Variants in ADGRA2 observed in about 807,000 individuals in gnomAD.
The protein encoded by ADGRA2 is G-protein coupled receptor 124.
Under a neutral mutation model 98.7 loss-of-function variants are expected in ADGRA2, and 61 were observed. The ratio of observed to expected loss-of-function variants is 0.62; its 90% CI spans 0.50 to 0.76. The LOEUF is 0.76. ADGRA2 is among the 30% of genes least tolerant of loss of function. The probability of loss-of-function intolerance (pLI) is 0.00; values close to 1 mark genes in which losing one functional copy is unlikely to be tolerated. For missense variants in ADGRA2, 1,712 were observed against 1,860.0 expected (o/e 0.92, Z 1.46); for synonymous variants, 858 against 831.5 (o/e 1.03, Z -0.55).
At chr8:37,809,298 TAAA>T (rs374479525) in intron 1 of ADGRA2, among the ~76,000 whole-genome samples, 2 of 138,006 alleles carry the variant, frequency 1.4e-5, no homozygotes. Flanking sequence ...TTGTCTCTCT[TAAA>T]AAAAAAAAAA....
At position 37,842,469 on chromosome 8, in the gene ADGRA2, T is replaced by C. The variant is rs1805837537; in HGVS notation, c.*114T>C. ...GGTTGGAGGCAGAGGAGCCGATGGCTGGAGGAAGCCCACAGGCGGATGTTC... is the reference window on the plus strand; with the variant it reads ...GGTTGGAGGCAGAGGAGCCGATGGCCGGAGGAAGCCCACAGGCGGATGTTC... On this transcript the variant is annotated 3_prime_UTR_variant, in exon 19 of 19. Coordinates refer to ENST00000412232, the MANE Select transcript of ADGRA2 (RefSeq NM_032777.10). The C allele has an allele frequency of 7.3e-7, 1 of 1,367,278 alleles. No individual in the cohort carries two copies. Among genetic ancestry groups the C allele is most frequent in the African/African-American group, 1.5e-5 (1 of 65,252 alleles). The allele number at this position is 1,367,278 out of a possible 1,614,324, so 84.7% of individuals were successfully genotyped here.
Position 37,814,980 on chromosome 8 carries a change from G to A in ADGRA2, c.338+13G>A. 1 of 1,594,358 alleles carries A rather than the reference G, an allele frequency of 6.3e-7. No individual in the cohort carries two copies. The highest frequency in any genetic ancestry group is 1.7e-4 in the Middle Eastern group (1 of 6,014). ...TGCTGGAGAAGCTGTAAGTGCTGGG[G>A]AAGGTGAGGTGGAGGAGGGGGGTGG... On this transcript the variant is annotated intron_variant, in intron 2 of 18. Coordinates refer to ENST00000412232, the MANE Select transcript of ADGRA2 (RefSeq NM_032777.10). This position sits in a 1 kb window ranked among gnomAD's most constrained non-coding sequence, Gnocchi z 4.3.
intron 2 of ADGRA2, among the ~76,000 whole-genome samples, chr8:37,817,327 G>A (rs983772449): frequency 6.6e-5 from 10 of 152,200 alleles, no homozygotes; most frequent in Admixed American, 3.3e-4. Context: ...ACGCGGCTCC[G>A]TGACTAGGTC....
chr8:37,808,975 C>T (rs932341654), intron 1 of ADGRA2, among the ~76,000 whole-genome samples: 3 of 152,016 alleles, frequency 2.0e-5, no homozygotes, highest in African/African-American at 4.8e-5. Context: ...CAGGTGCGTG[C>T]CACCACACCT....
rs36232957 is a variant in ADGRA2, at chr8:37,812,153, G to GTGTTGT, written c.267-2709_267-2704dup. Among the ~76,000 whole-genome samples the GTGTTGT allele has an allele frequency of 6.8e-3, 972 of 142,218 alleles. 7 individuals carry two copies. Among genetic ancestry groups the GTGTTGT allele is most frequent in the African/African-American group, 0.016 (631 of 39,712 alleles). The allele number at this position is 142,218 out of a possible 152,430, so 93.3% of individuals were successfully genotyped here. On this transcript the variant is annotated intron_variant, in intron 1 of 18. Transcript: ENST00000412232. Reference sequence around the variant, plus strand: ...TTTAAAATGACATGCACTTGCAATGGTGTTGTTGTTGTTGTTGTTGTTGTT... The same window carrying GTGTTGT: ...TTTAAAATGACATGCACTTGCAATGGTGTTGTTGTTGTTGTTGTTGTTGTTGTTGTT...
At position 37,837,799 on chromosome 8, in the gene ADGRA2, G is replaced by A. The variant is rs200831475; in HGVS notation, c.2119G>A (p.Glu707Lys). Residue 707 changes from glutamate (E) to lysine (K), a missense_variant, in exon 14 of 19, where the codon GAA becomes AAA. Transcript: ENST00000412232. Reference protein sequence around the residue: ...VSLRHWAEGAEPVAAWWSQEG... With the variant: ...VSLRHWAEGAKPVAAWWSQEG... ...GCTGCGGCACTGGGCTGAGGGAGCC[G>A]AACCTGTGGCCGCTTGGTGGAGCCA... 1.1e-4 allele frequency: 176 copies of A among 1,547,398 alleles called. No individual in the cohort carries two copies. Among genetic ancestry groups the A allele is most frequent in the East Asian group, 1.5e-4 (6 of 41,036 alleles).
At position 37,797,053 on chromosome 8, in the gene ADGRA2, G is replaced by A. The variant is rs1468210537; in HGVS notation, c.-216G>A. ...AGCTGGGAGCTGCCCGCGCTGCGCT[G>A]ACAGCCGCGCCGACGTCCTCCCCGC... On this transcript the variant is annotated 5_prime_UTR_variant, in exon 1 of 19. The change abolishes the stop of an existing upstream ORF in the 5' untranslated region. Coordinates refer to ENST00000412232, the MANE Select transcript of ADGRA2 (RefSeq NM_032777.10). The surrounding 1 kb of genome is among the most constrained non-coding windows in gnomAD (Gnocchi z 5.3). 1.5e-5 allele frequency: 3 copies of A among 204,672 alleles called. No homozygotes were observed. The highest frequency in any genetic ancestry group is 1.8e-3 in the Middle Eastern group (1 of 560). 12.7% of individuals were successfully genotyped at this position (204,672 alleles called of 1,614,324 possible). A position where few individuals can be genotyped will look rare whatever the true frequency, so the allele number is the denominator to read the frequency against.
chr8:37,833,030 G>T lies in ADGRA2; in HGVS notation c.1118G>T (p.Gly373Val). ...GDFRWPRTLA[G>V]ITAYQSCLQY... ...CCCAGGTGGCCCCGAACTCTGGCTGGCATCACAGCCTACCAGTCCTGCCTG... is the reference window on the plus strand; with the variant it reads ...CCCAGGTGGCCCCGAACTCTGGCTGTCATCACAGCCTACCAGTCCTGCCTG... Residue 373 changes from glycine (G) to valine (V), a missense_variant, in exon 9 of 19, where the codon GGC (glycine) becomes GTC (valine). Gly to Val is a moderately radical substitution (Grantham distance 109, BLOSUM62 -3). Coordinates refer to ENST00000412232, the MANE Select transcript of ADGRA2 (RefSeq NM_032777.10). The T allele has an allele frequency of 6.2e-7, 1 of 1,612,856 alleles. No individual in the cohort carries two copies. Among genetic ancestry groups the T allele is most frequent in the Non-Finnish European group, 8.5e-7 (1 of 1,179,774 alleles).
intron 1 of ADGRA2, among the ~76,000 whole-genome samples, chr8:37,805,570 A>AT (rs1015962359): frequency 6.7e-5 from 10 of 149,100 alleles, no homozygotes; most frequent in African/African-American, 2.2e-4. Flanking sequence ...CCGTGTCTAA[A>AT]TTTTTTTTTT....
chr8:37,805,037 GA>G lies in ADGRA2; in HGVS notation c.266+7506del, dbSNP rs150277361. Among the ~76,000 whole-genome samples, 758 of 152,346 alleles carry G rather than the reference GA, an allele frequency of 5.0e-3. 5 individuals carry two copies. Among genetic ancestry groups the G allele is most frequent in the African/African-American group, 0.014 (594 of 41,578 alleles). On this transcript the variant is annotated intron_variant, in intron 1 of 18. Transcript: ENST00000412232. ...TGACCCCTATGGGTGTGGCATCCCAGAAAGGCTGTACCGTGGAGCCCGGCTC... is the reference window on the plus strand; with the variant it reads ...TGACCCCTATGGGTGTGGCATCCCAGAAGGCTGTACCGTGGAGCCCGGCTC...
chr8:37,829,074 C>G, intron 3 of ADGRA2, 115 bp downstream of exon 3: 1 of 834,096 alleles, frequency 1.2e-6, no homozygotes, highest in East Asian at 2.7e-5. Context: ...CCCTCCTTTC[C>G]GCTTGGGTGC....
intron 2 of ADGRA2, 72 bp downstream of exon 2, chr8:37,815,039 A>T: frequency 9.6e-7 from 1 of 1,042,380 alleles, no homozygotes; most frequent in Non-Finnish European, 1.5e-6. Context: ...GGGGAGGAGG[A>T]GGAACGCTGG....
In ADGRA2 at chr8:37,820,878, G is replaced by A. The variant is rs192699752; in HGVS notation, c.338+5911G>A. On this transcript the variant is annotated intron_variant, in intron 2 of 18. Transcript: ENST00000412232. ...ATGGGCAAGGAAGGGGCCACAGAGC[G>A]GATGCCCAGTGGGAATGTGTCAGAG... is the stretch of plus-strand genomic sequence containing the variant. Among the ~76,000 whole-genome samples, 221 of 152,062 alleles carry A rather than the reference G, an allele frequency of 1.5e-3. 1 individual carries two copies. Among genetic ancestry groups the A allele is most frequent in the Non-Finnish European group, 2.6e-3 (178 of 67,978 alleles).
chr8:37,832,614 T>C (rs72641971), intron 8 of ADGRA2, among the ~76,000 whole-genome samples: 1 of 152,304 alleles, frequency 6.6e-6, no homozygotes, highest in Non-Finnish European at 1.5e-5. Context: ...TGCTTCCTTA[T>C]ATTCATAGTT....
Position 37,809,841 on chromosome 8 carries a change from C to T in ADGRA2, c.267-5055C>T, listed in dbSNP as rs146624640. Among the ~76,000 whole-genome samples, 169 of 152,110 alleles carry T rather than the reference C, an allele frequency of 1.1e-3. 2 individuals carry two copies. Among genetic ancestry groups the T allele is most frequent in the African/African-American group, 3.9e-3 (162 of 41,518 alleles). On this transcript the variant is annotated intron_variant, in intron 1 of 18. Transcript: ENST00000412232. ...GGGTGGAGGGAAGAGAGAGAGAGGC[C>T]GAGACCGGGACTGCATGAAGTCTGG...
intron 2 of ADGRA2, among the ~76,000 whole-genome samples, chr8:37,823,318 A>C (rs1805179553): frequency 6.6e-6 from 1 of 150,574 alleles, no homozygotes; most frequent in Admixed American, 6.7e-5. Context: ...CTCCTGTCTC[A>C]GCCTCCTGAA....
Position 37,841,335 on chromosome 8 carries a change from A to C in ADGRA2, c.2997A>C (p.Arg999=), listed in dbSNP as rs780451951. ...SGSLLATGSA[R]VGTPGPPEDG... ...CCCTTCTTGCTACTGGGAGCGCGCG[A>C]GTGGGGACGCCCGGGCCCCCGGAGG... Residue 999 remains arginine (R), a synonymous_variant, in exon 19 of 19, where the codon CGA becomes CGC. Transcript: ENST00000412232. The surrounding 1 kb of genome is among the most constrained non-coding windows in gnomAD (Gnocchi z 5.0). 2 of 1,606,268 alleles carry C rather than the reference A, an allele frequency of 1.2e-6. No individual in the cohort carries two copies. The highest frequency in any genetic ancestry group is 1.7e-6 in the Non-Finnish European group (2 of 1,176,814).
At position 37,830,833 on chromosome 8, in the gene ADGRA2, G is replaced by A. The variant is rs778501939; in HGVS notation, c.842G>A (p.Trp281Ter). Residue 281 changes from tryptophan (W) to a stop codon, truncating the protein, a stop_gained, in exon 7 of 19, where the codon TGG becomes TAG. Coordinates refer to ENST00000412232, the MANE Select transcript of ADGRA2 (RefSeq NM_032777.10). LOFTEE classifies it high-confidence loss of function. The surrounding 1 kb of genome is among the most constrained non-coding windows in gnomAD (Gnocchi z 4.8). ...SYLGNDTRIR[W>*]YHNRAPVEGD... The stretch of plus-strand genomic sequence containing the variant: ...CTGGGCAACGACACCCGCATCCGCT[G>A]GTACCACAACCGAGCCCCTGTGGAG... 6.3e-7 allele frequency: 1 copy of A among 1,592,666 alleles called. No individual in the cohort carries two copies. Among genetic ancestry groups the A allele is most frequent in the East Asian group, 2.3e-5 (1 of 43,748 alleles).
Position 37,830,610 on chromosome 8 carries a change from G to GGGCCCCCC in ADGRA2, c.719-100_719-99insGGCCCCCC. On this transcript the variant is annotated intron_variant, in intron 6 of 18. Coordinates refer to ENST00000412232, the MANE Select transcript of ADGRA2 (RefSeq NM_032777.10). The surrounding 1 kb of genome is among the most constrained non-coding windows in gnomAD (Gnocchi z 4.8). ...AGCTGGAGCAGGCTGCAGGCCGAGG[G>GGGCCCCCC]CCCCGCCCCGCCCCACCCCATCCTG... 1.7e-6 allele frequency: 1 copy of GGGCCCCCC among 579,886 alleles called. No individual in the cohort carries two copies. Among genetic ancestry groups the GGGCCCCCC allele is most frequent in the Non-Finnish European group, 3.2e-6 (1 of 315,942 alleles). 35.9% of individuals were successfully genotyped at this position (579,886 alleles called of 1,614,324 possible). A position where few individuals can be genotyped will look rare whatever the true frequency, so the allele number is the denominator to read the frequency against.
Sources: gnomAD v4.1 joint callset for allele counts (sites outside exome capture counted in the v4.1 genomes callset) on GRCh38, gnomAD v4.1.1 for gene constraint, Gnocchi (gnomAD v3.1) non-coding constraint, MANE v1.5 for transcripts, NCBI Gene and HGNC (gene_info 2026-07-23, HGNC 2026-07-21) for gene names.